Variants in CABP1 observed in about 807,000 individuals in gnomAD.
CABP1 encodes calcium-binding protein 1.
A neutral mutation model predicts 34.3 loss-of-function variants in CABP1; 17 were observed. The ratio of observed to expected loss-of-function variants is 0.50; its 90% CI spans 0.34 to 0.74. CABP1 has a LOEUF of 0.74. Ranked by LOEUF, CABP1 falls within the 30% of genes least tolerant of loss-of-function variation. The probability of loss-of-function intolerance (pLI) is 0.01; values close to 1 mark genes in which losing one functional copy is unlikely to be tolerated. For missense variants in CABP1, 373 were observed against 511.1 expected (o/e 0.73, Z 2.61); for synonymous variants, 198 against 229.2 (o/e 0.86, Z 1.23).
chr12:120,659,634 T>C (rs1329402441), intron 1 of CABP1: 2 of 476,388 alleles, frequency 4.2e-6, no homozygotes, highest in African/African-American at 4.0e-5. Flanking sequence ...ACAGAGGTTC[T>C]GTGCCCAGGC....
At chr12:120,659,729 C>A in intron 1 of CABP1, 149 bp from the exon 2 acceptor site, 2 of 637,278 alleles carry the variant, frequency 3.1e-6, no homozygotes, top group Non-Finnish European at 5.5e-6. Context: ...CTTTCTTCTC[C>A]CCTCAAGGAC....
At chr12:120,642,074 C>G (rs957197406) in intron 1 of CABP1, among the ~76,000 whole-genome samples, 10 of 152,078 alleles carry the variant, frequency 6.6e-5, no homozygotes, top group African/African-American at 2.2e-4. Flanking sequence ...AAAAGCAGCT[C>G]CGTAGTCACA....
In CABP1 at chr12:120,641,635, C is replaced by G. The variant is rs952997187; in HGVS notation, c.654+296C>G. The G allele has an allele frequency of 3.3e-6, 1 of 299,628 alleles. No homozygotes were observed. Among genetic ancestry groups the G allele is most frequent in the African/African-American group, 2.2e-5 (1 of 46,202 alleles). 18.6% of individuals were successfully genotyped at this position (299,628 alleles called of 1,614,324 possible). A position where few individuals can be genotyped will look rare whatever the true frequency, so the allele number is the denominator to read the frequency against. Reference sequence around the variant, plus strand: ...GAAGAGAGCGACCTCTACGACCGTCCTGGAGATTTGCGGGGGTCAAGGAGG... The same window carrying G: ...GAAGAGAGCGACCTCTACGACCGTCGTGGAGATTTGCGGGGGTCAAGGAGG... On this transcript the variant is annotated intron_variant, in intron 1 of 5. Transcript: ENST00000316803. This position sits in a 1 kb window ranked among gnomAD's most constrained non-coding sequence, Gnocchi z 6.7.
chr12:120,649,073 C>G (rs1477166257), intron 1 of CABP1, among the ~76,000 whole-genome samples: 2 of 151,980 alleles, frequency 1.3e-5, no homozygotes, highest in Non-Finnish European at 2.9e-5. Flanking sequence ...TCCTCCATCT[C>G]CCCCTCCAGA....
downstream of CABP1, among the ~76,000 whole-genome samples, chr12:120,667,900 G>A (rs1379337283): frequency 6.6e-6 from 1 of 152,126 alleles, no homozygotes. Context: ...TATTTAGCTG[G>A]GTACTCAGCT....
At chr12:120,655,677 G>A in intron 1 of CABP1, 1 of 1,429,130 alleles carries the variant, frequency 7.0e-7, no homozygotes, top group Non-Finnish European at 9.1e-7. Context: ...TGACTGAATT[G>A]GGAGGTTGGG....
At chr12:120,664,807 G>A (rs918067088) in intron 5 of CABP1, among the ~76,000 whole-genome samples, 8 of 151,592 alleles carry the variant, frequency 5.3e-5, no homozygotes, top group South Asian at 2.1e-4. Context: ...CCCGGGAGGC[G>A]GAGGTTGTAG....
At chr12:120,659,933 A>G in intron 2 of CABP1, 25 bp downstream of exon 2, 4 of 1,611,336 alleles carry the variant, frequency 2.5e-6, no homozygotes, top group Non-Finnish European at 3.4e-6. Context: ...CTTGGGGGAA[A>G]GGACTGCCTA....
At position 120,660,597 on chromosome 12, in the gene CABP1, G is replaced by GGGCTC. The variant is rs1395648184; in HGVS notation, c.830-133_830-129dup. The GGGCTC allele has an allele frequency of 1.5e-5, 11 of 747,992 alleles. No homozygotes were observed. The East Asian group carries it at 2.7e-4, about 18-fold the overall frequency. 46.3% of individuals were successfully genotyped at this position (747,992 alleles called of 1,614,324 possible). On this transcript the variant is annotated intron_variant, in intron 3 of 5. Transcript: ENST00000316803. The surrounding 1 kb of genome is among the most constrained non-coding windows in gnomAD (Gnocchi z 5.0). ...TGGCTCACAGGAAGAACTGAACAGA[G>GGGCTC]GGCTCTTGTTATTATTAAGTTTGTC...
chr12:120,661,122 A>C lies in CABP1; in HGVS notation c.991A>C (p.Met331Leu), dbSNP rs199811324. Residue 331 changes from methionine (M) to leucine (L), a missense_variant, in exon 5 of 6, where the codon ATG (methionine) becomes CTG (leucine). Physicochemically the swap from Met to Leu is conservative, Grantham distance 15. This residue lies in a region of CABP1 where 109 missense variants were observed against 204.8 expected (regional missense o/e 0.53). Coordinates refer to ENST00000316803, the MANE Select transcript of CABP1 (RefSeq NM_001033677.2). This position sits in a 1 kb window ranked among gnomAD's most constrained non-coding sequence, Gnocchi z 5.1. The part of the protein sequence containing the change: ...EISTSELREA[M>L]RKLLGHQVGH... ...AAGCACCAGTGAGCTGCGAGAGGCT[A>C]TGAGGAAGCTCCTGGGTCATCAGGT... 121 of 1,613,818 alleles carry C rather than the reference A, an allele frequency of 7.5e-5. No homozygotes were observed. The highest frequency in any genetic ancestry group is 1.0e-4 in the Non-Finnish European group (119 of 1,180,000).
chr12:120,670,175 T>C (rs1486030797), downstream of CABP1, among the ~76,000 whole-genome samples: 1 of 152,132 alleles, frequency 6.6e-6, no homozygotes, highest in Non-Finnish European at 1.5e-5. Flanking sequence ...TAAATTTTTT[T>C]TGTAGAGACA....
chr12:120,668,820 C>T (rs984533032), downstream of CABP1, among the ~76,000 whole-genome samples: 1 of 152,214 alleles, frequency 6.6e-6, no homozygotes, highest in Non-Finnish European at 1.5e-5. Flanking sequence ...CGTACTTGGG[C>T]AGGTGTGTGG....
chr12:120,671,223 G>T (rs1008803515), downstream of CABP1, among the ~76,000 whole-genome samples: 1 of 152,006 alleles, frequency 6.6e-6, no homozygotes, highest in African/African-American at 2.4e-5. Flanking sequence ...CTGGCCAAAT[G>T]GTGAAACACC....
At chr12:120,657,811 T>C (rs1880336928) in intron 1 of CABP1, among the ~76,000 whole-genome samples, 1 of 152,178 alleles carries the variant, frequency 6.6e-6, no homozygotes, top group African/African-American at 2.4e-5. Flanking sequence ...CAGCAATGCC[T>C]GTTCCTCCCG....
At chr12:120,674,666 A>G in the CABP1 span, among the ~76,000 whole-genome samples, 1 of 152,168 alleles carries the variant, frequency 6.6e-6, no homozygotes, top group African/African-American at 2.4e-5. Context: ...AGGCGGGTGG[A>G]TCACCTGAGG....
chr12:120,671,273 T>C (rs891232181), downstream of CABP1, among the ~76,000 whole-genome samples: 2 of 151,952 alleles, frequency 1.3e-5, no homozygotes, highest in South Asian at 2.1e-4. Context: ...GGCATGGTGG[T>C]GCGCGCCTGC....
At chr12:120,676,827 G>T in the CABP1 span, among the ~76,000 whole-genome samples, 3 of 152,190 alleles carry the variant, frequency 2.0e-5, no homozygotes, top group Non-Finnish European at 4.4e-5. Flanking sequence ...TAGGTTCAGA[G>T]AAGGAATGTG....
intron 1 of CABP1, 28 bp from the exon 2 acceptor site, chr12:120,659,850 G>T (rs1425663644): frequency 6.2e-7 from 1 of 1,611,130 alleles, no homozygotes; most frequent in South Asian, 1.1e-5. Context: ...CCTTGTCGCG[G>T]CTAATAGGAC....
At position 120,660,603 on chromosome 12, in the gene CABP1, TTGTTA is replaced by T; in HGVS notation, c.830-126_830-122del. On this transcript the variant is annotated intron_variant, in intron 3 of 5. Transcript: ENST00000316803. The surrounding 1 kb of genome is among the most constrained non-coding windows in gnomAD (Gnocchi z 5.0). ...ACAGGAAGAACTGAACAGAGGGCTC[TTGTTA>T]TTATTAAGTTTGTCTCTATCTGATG... The T allele has an allele frequency of 1.3e-6, 1 of 755,800 alleles. No individual in the cohort carries two copies. The highest frequency in any genetic ancestry group is 2.3e-6 in the Non-Finnish European group (1 of 430,632). The allele number at this position is 755,800 out of a possible 1,614,324, so 46.8% of individuals were successfully genotyped here.
Sources: gnomAD v4.1 joint callset for allele counts (sites outside exome capture counted in the v4.1 genomes callset) on GRCh38, gnomAD v4.1.1 for gene constraint, gnomAD v4.1.1 regional missense constraint, Gnocchi (gnomAD v3.1) non-coding constraint, MANE v1.5 for transcripts, NCBI Gene and HGNC (gene_info 2026-07-23, HGNC 2026-07-21) for gene names.